NDUFAF6: variants seen among roughly 807,000 people sequenced by gnomAD.
NDUFAF6 encodes the protein NADH dehydrogenase (ubiquinone) complex I, assembly factor 6.
Under a neutral mutation model 40.8 loss-of-function variants are expected in NDUFAF6, and 45 were observed. The ratio of observed to expected loss-of-function variants is 1.10; its 90% CI spans 0.87 to 1.42. The LOEUF is 1.42. Among genes scored for constraint, NDUFAF6 ranks in the 40% most tolerant of loss-of-function variants. The pLI, the probability that NDUFAF6 is intolerant of heterozygous loss-of-function variation, is 0.00. For synonymous variants in NDUFAF6, 185 were observed against 155.9 expected (o/e 1.19, Z -1.39); for missense variants, 435 against 418.5 (o/e 1.04, Z -0.34).
intron 2 of NDUFAF6, among the ~76,000 whole-genome samples, chr8:94,997,968 A>C (rs939413224): frequency 6.6e-6 from 1 of 152,200 alleles, no homozygotes; most frequent in Non-Finnish European, 1.5e-5. Flanking sequence ...TATTTCTTAG[A>C]AAATGAAATG....
intron 1 of NDUFAF6, chr8:94,930,278 A>G (rs1191532025): frequency 1.6e-6 from 1 of 644,966 alleles, no homozygotes; most frequent in Non-Finnish European, 2.5e-6. Flanking sequence ...AGTGTACAAA[A>G]AAAGTAAATG....
chr8:94,946,106 G>T (rs1195529653), intron 2 of NDUFAF6, among the ~76,000 whole-genome samples: 1 of 149,030 alleles, frequency 6.7e-6, no homozygotes, highest in Non-Finnish European at 1.5e-5. Context: ...CTTTTCTTCT[G>T]TTTTTTTTTT....
chr8:94,927,693 T>C (rs1177409765), intron 1 of NDUFAF6: 3 of 152,226 alleles, frequency 2.0e-5, no homozygotes, highest in Non-Finnish European at 4.4e-5. Flanking sequence ...AAATGTTTTG[T>C]CAACAAAAAC....
intron 1 of NDUFAF6, chr8:94,927,653 A>G (rs143709181): frequency 2.7e-5 from 4 of 150,882 alleles, no homozygotes; most frequent in Non-Finnish European, 5.9e-5. Flanking sequence ...ATTAGTTGAG[A>G]AAAAAAATAA....
At chr8:94,986,035 G>T (rs1026458778) in intron 2 of NDUFAF6, among the ~76,000 whole-genome samples, 9 of 151,780 alleles carry the variant, frequency 5.9e-5, no homozygotes, top group Non-Finnish European at 4.4e-5. Flanking sequence ...CACCATGCCC[G>T]GCTAATTTTT....
chr8:95,097,402 A>G (rs780945464), upstream of NDUFAF6, among the ~76,000 whole-genome samples: 1 of 152,270 alleles, frequency 6.6e-6, no homozygotes, highest in Non-Finnish European at 1.5e-5. Flanking sequence ...AATAGTATAC[A>G]TTAAAATACT....
Position 95,014,167 on chromosome 8 carries a change from A to G in NDUFAF6, c.-83-17828A>G, listed in dbSNP as rs971075851. Among the ~76,000 whole-genome samples the G allele has an allele frequency of 3.3e-5, 5 of 152,332 alleles. No individual in the cohort carries two copies. The South Asian group carries it at 1.0e-3, about 32-fold the overall frequency. The stretch of plus-strand genomic sequence containing the variant: ...AGACAACAATTTTCTGGTGTTCAAG[A>G]CACCCCAATTTGTGGTGCTTTATTA... On this transcript the variant is annotated intron_variant, in intron 2 of 9. Transcript: ENST00000396111.
intron 7 of NDUFAF6, among the ~76,000 whole-genome samples, chr8:95,050,643 A>G (rs925545649): frequency 1.3e-5 from 2 of 152,216 alleles, no homozygotes; most frequent in Non-Finnish European, 2.9e-5. Flanking sequence ...CATCATCATC[A>G]TCAAATAAAG....
downstream of NDUFAF6, among the ~76,000 whole-genome samples, chr8:95,060,953 G>C (rs74445857): frequency 6.1e-3 from 926 of 152,208 alleles, 9 homozygotes; most frequent in African/African-American, 0.02. Context: ...GGGGAGTGTG[G>C]GGGGATGCTT....
chr8:94,955,988 TCAGAA>T (rs1823036127), upstream of NDUFAF6, among the ~76,000 whole-genome samples: 2 of 152,132 alleles, frequency 1.3e-5, no homozygotes, highest in Non-Finnish European at 2.9e-5. Flanking sequence ...AATCCATAAC[TCAGAA>T]CAGAATTTAA....
At chr8:94,989,596 G>T (rs963216539) in intron 2 of NDUFAF6, among the ~76,000 whole-genome samples, 2 of 152,140 alleles carry the variant, frequency 1.3e-5, no homozygotes, top group Non-Finnish European at 2.9e-5. Flanking sequence ...TGAACTGGGG[G>T]TCTGAATGAA....
At chr8:95,075,697 G>GC in exon 10 of NDUFAF6, 1 of 1,288,110 alleles carries the variant, frequency 7.8e-7, no homozygotes, top group Non-Finnish European at 1.0e-6. Context: ...GGAAAATGAA[G>GC]CCAACTGGGA....
At chr8:94,943,944 G>A (rs540034902) in intron 1 of NDUFAF6, among the ~76,000 whole-genome samples, 30 of 152,294 alleles carry the variant, frequency 2.0e-4, no homozygotes, top group African/African-American at 7.2e-4. Flanking sequence ...CAGAAGAAAA[G>A]TGTAGTTTGT....
intron 2 of NDUFAF6, among the ~76,000 whole-genome samples, chr8:95,081,980 C>T (rs34824997): frequency 0.57 from 86,355 of 151,680 alleles, 24,830 homozygotes; most frequent in East Asian, 0.77. Flanking sequence ...GGGAGAATGG[C>T]GTGAACTCGG....
In NDUFAF6 at chr8:94,919,572, C is replaced by T. The variant is rs1023487470; in HGVS notation, c.-936+23645C>T. ...TTTCAGAGCTACCAGGAATACATAG[C>T]GTTGAATCTGCCCACTTGTTTTGGC... On this transcript the variant is annotated intron_variant, in intron 1 of 14. Coordinates refer to the NDUFAF6 transcript ENST00000396113. Among the ~76,000 whole-genome samples the T allele has an allele frequency of 2.0e-5, 3 of 152,232 alleles. No homozygotes were observed. In the South Asian group the frequency reaches 6.2e-4, roughly 32 times the overall value.
At chr8:95,061,432 T>G (rs939841343), downstream of NDUFAF6, among the ~76,000 whole-genome samples, 17 of 152,192 alleles carry the variant, frequency 1.1e-4, no homozygotes, top group African/African-American at 4.1e-4. Context: ...AAACAAAACA[T>G]CCTACTGTTT....
At chr8:95,044,210 G>GC (rs1357152044) in intron 4 of NDUFAF6, among the ~76,000 whole-genome samples, 3 of 152,084 alleles carry the variant, frequency 2.0e-5, no homozygotes, top group African/African-American at 7.2e-5. Context: ...TTAGTGGTTT[G>GC]CCAGGGCTGA....
intron 2 of NDUFAF6, among the ~76,000 whole-genome samples, chr8:94,987,416 C>T (rs1047234348): frequency 4.6e-5 from 7 of 152,170 alleles, no homozygotes; most frequent in African/African-American, 1.4e-4. Context: ...GGAATAAACA[C>T]TCTTCCCTCC....
At position 95,048,565 on chromosome 8, in the gene NDUFAF6, C is replaced by G. The variant is rs754214884; in HGVS notation, c.816+7C>G. 1.2e-6 allele frequency: 2 copies of G among 1,609,564 alleles called. No individual in the cohort carries two copies. The highest frequency in any genetic ancestry group is 1.1e-5 in the South Asian group (1 of 90,974). On this transcript the variant is annotated splice_region_variant and intron_variant, in intron 7 of 8. Transcript: ENST00000396124. ...ACACTTGCACCTAAAGCATGTAAGT[C>G]GGCTTTTTTTTGCCAAATCATTTAG...
Sources: gnomAD v4.1 joint callset for allele counts (sites outside exome capture counted in the v4.1 genomes callset) on GRCh38, gnomAD v4.1.1 for gene constraint, MANE v1.5 for transcripts, NCBI Gene and HGNC (gene_info 2026-07-23, HGNC 2026-07-21) for gene names.